ULK4: variants seen among roughly 807,000 people sequenced by gnomAD.
ULK4 encodes the protein unc-51 like kinase 4.
A neutral mutation model predicts 160.6 loss-of-function variants in ULK4; 133 were observed. The observed-to-expected ratio is 0.83, with a 90% CI of 0.72 to 0.96. ULK4 has a LOEUF of 0.96. Among genes scored for constraint, ULK4 ranks in the 40% least tolerant of loss-of-function variants. ULK4 has a pLI of 0.00. For missense variants in ULK4, 1,580 were observed against 1,499.5 expected (o/e 1.05, Z -0.89); for synonymous variants, 534 against 539.8 (o/e 0.99, Z 0.15).
chr3:41,497,061 A>G (rs904993046), intron 32 of ULK4, among the ~76,000 whole-genome samples: 14 of 124,164 alleles, frequency 1.1e-4, no homozygotes, highest in African/African-American at 4.3e-4. Flanking sequence ...AAAAGATATT[A>G]AATAGAGACA....
At chr3:41,290,942 G>T (rs1026577284) in intron 35 of ULK4, among the ~76,000 whole-genome samples, 4 of 152,210 alleles carry the variant, frequency 2.6e-5, no homozygotes, top group Non-Finnish European at 5.9e-5. Context: ...TTATTCACTG[G>T]AGACAACACA....
At chr3:41,563,813 G>A (rs1007353774) in intron 32 of ULK4, among the ~76,000 whole-genome samples, 19 of 152,240 alleles carry the variant, frequency 1.2e-4, no homozygotes, top group African/African-American at 4.6e-4. Context: ...ACATGCTCCT[G>A]TAGCTTGGAG....
chr3:41,702,377 T>A (rs576333711), intron 27 of ULK4, among the ~76,000 whole-genome samples: 1 of 152,234 alleles, frequency 6.6e-6, no homozygotes, highest in South Asian at 2.1e-4. Context: ...ACTCCCAACC[T>A]CATGTGATCT....
chr3:41,774,014 G>A (rs1235396864), intron 21 of ULK4, among the ~76,000 whole-genome samples: 3 of 152,252 alleles, frequency 2.0e-5, no homozygotes, highest in African/African-American at 7.2e-5. Context: ...AAACTGGCTA[G>A]CCATATGTAG....
At chr3:41,660,240 A>T (rs1272858522) in intron 30 of ULK4, among the ~76,000 whole-genome samples, 1 of 152,148 alleles carries the variant, frequency 6.6e-6, no homozygotes, top group African/African-American at 2.4e-5. Flanking sequence ...GGTTGTGATG[A>T]GCCGAGATTG....
intron 32 of ULK4, among the ~76,000 whole-genome samples, chr3:41,565,631 T>C (rs1183259289): frequency 1.3e-5 from 2 of 152,204 alleles, no homozygotes; most frequent in East Asian, 3.9e-4. Context: ...ATGATGGACC[T>C]CACCACATGC....
At chr3:41,948,033 A>C (rs1428287766) in intron 2 of ULK4, among the ~76,000 whole-genome samples, 1 of 152,054 alleles carries the variant, frequency 6.6e-6, no homozygotes, top group African/African-American at 2.4e-5. Flanking sequence ...CTTCTTTCCC[A>C]CACGTGACCG....
At chr3:41,732,969 G>C (rs1174369093) in intron 22 of ULK4, among the ~76,000 whole-genome samples, 4 of 152,098 alleles carry the variant, frequency 2.6e-5, no homozygotes, top group Admixed American at 6.6e-5. Context: ...GGCAGGGAGA[G>C]GGGGAGGACA....
chr3:41,400,435 G>C lies in ULK4; in HGVS notation c.3493-2171C>G, dbSNP rs1185287205. The stretch of plus-strand genomic sequence containing the variant: ...TCATTTCAAGTATGTTACATACATG[G>C]AATCACACTGTATATATGGTTTTCT... On this transcript the variant is annotated intron_variant, in intron 34 of 36. Coordinates refer to ENST00000301831, the MANE Select transcript of ULK4 (RefSeq NM_017886.4). 2.6e-5 allele frequency among the ~76,000 whole-genome samples: 4 copies of C among 152,088 alleles called. No individual in the cohort carries two copies. In the East Asian group the frequency reaches 7.7e-4, roughly 29 times the overall value.
At chr3:41,328,229 C>T (rs2125737685) in intron 35 of ULK4, among the ~76,000 whole-genome samples, 1 of 152,298 alleles carries the variant, frequency 6.6e-6, no homozygotes, top group South Asian at 2.1e-4. Flanking sequence ...TCTCTGGGCA[C>T]TTTGAGTCCA....
At chr3:41,899,946 A>G (rs1028957448) in intron 13 of ULK4, among the ~76,000 whole-genome samples, 1 of 152,172 alleles carries the variant, frequency 6.6e-6, no homozygotes, top group East Asian at 1.9e-4. Context: ...TCCCAATGAG[A>G]TAAGAAAAAA....
chr3:41,910,242 A>C (rs1446245329), intron 11 of ULK4, among the ~76,000 whole-genome samples: 3 of 152,202 alleles, frequency 2.0e-5, no homozygotes, highest in African/African-American at 7.2e-5. Flanking sequence ...ACTTTAAGAT[A>C]CCACTCTGAC....
At chr3:41,691,125 G>T (rs191359078) in intron 27 of ULK4, among the ~76,000 whole-genome samples, 10 of 151,872 alleles carry the variant, frequency 6.6e-5, no homozygotes, top group Admixed American at 6.6e-5. Flanking sequence ...GAGGCAAAAT[G>T]GCAGAGTTTG....
intron 35 of ULK4, among the ~76,000 whole-genome samples, chr3:41,383,565 C>G (rs1003313866): frequency 6.6e-6 from 1 of 152,138 alleles, no homozygotes; most frequent in Non-Finnish European, 1.5e-5. Context: ...TGGTGATGGT[C>G]AAAATGATTA....
chr3:41,835,810 C>G, intron 18 of ULK4, 54 bp downstream of exon 18: 1 of 1,342,046 alleles, frequency 7.5e-7, no homozygotes, highest in Non-Finnish European at 1.0e-6. Context: ...TACTTGTCAG[C>G]CAGAGTATGT....
chr3:41,720,918 C>T (rs1055946334), intron 22 of ULK4, among the ~76,000 whole-genome samples: 5 of 152,024 alleles, frequency 3.3e-5, no homozygotes, highest in African/African-American at 1.2e-4. Context: ...ATGACACATA[C>T]ACATAGTTTG....
intron 35 of ULK4, chr3:41,251,162 T>G (rs1166981984): frequency 6.6e-6 from 1 of 152,160 alleles, no homozygotes; most frequent in African/African-American, 2.4e-5. Context: ...ACAGTGACAG[T>G]TATGTGATCA....
chr3:41,677,840 C>A (rs1179461329), intron 29 of ULK4, among the ~76,000 whole-genome samples: 1 of 152,078 alleles, frequency 6.6e-6, no homozygotes, highest in Non-Finnish European at 1.5e-5. Flanking sequence ...TGATGGTGTT[C>A]CTGGATGAGA....
chr3:41,897,303 A>G (rs1698194116), intron 14 of ULK4, among the ~76,000 whole-genome samples: 1 of 152,224 alleles, frequency 6.6e-6, no homozygotes, highest in Non-Finnish European at 1.5e-5. Flanking sequence ...AAAGTTCAAT[A>G]CAACTGGAGT....
Sources: gnomAD v4.1 joint callset for allele counts (sites outside exome capture counted in the v4.1 genomes callset) on GRCh38, gnomAD v4.1.1 for gene constraint, MANE v1.5 for transcripts, NCBI Gene and HGNC (gene_info 2026-07-23, HGNC 2026-07-21) for gene names.